BCR: variants seen among roughly 807,000 people sequenced by gnomAD.
The protein encoded by BCR is BCR activator of RhoGEF and GTPase, also known as breakpoint cluster region protein.
BCR carries 58 observed loss-of-function variants against 138.6 expected under a neutral mutation model. The ratio of observed to expected loss-of-function variants is 0.42; its 90% CI spans 0.34 to 0.52. BCR has a LOEUF of 0.52. Among genes scored for constraint, BCR ranks in the 20% least tolerant of loss-of-function variants. The pLI is 0.06. For synonymous variants in BCR, 786 were observed against 730.1 expected (o/e 1.08, Z -1.23); for missense variants, 1,599 against 1,727.2 (o/e 0.93, Z 1.32).
rs187884757 is a variant in BCR at position 23,302,278 on chromosome 22, C to T, written c.3012+7123C>T. 414 of 152,738 alleles carry T rather than the reference C, an allele frequency of 2.7e-3. 4 individuals are homozygous for T. In the South Asian group the frequency reaches 0.033, roughly 12 times the overall value. 9.5% of individuals were successfully genotyped at this position (152,738 alleles called of 1,614,324 possible). A position where few individuals can be genotyped will look rare whatever the true frequency, so the allele number is the denominator to read the frequency against. ...GCCAAGCCCCCAGCCCAGAAGATCC[C>T]GACTCCTGCTGCCCACAGACAGGCA... On this transcript the variant is annotated intron_variant, in intron 16 of 22. Transcript: ENST00000305877.
chr22:23,254,071 G>A, intron 2 of BCR, 91 bp downstream of exon 2: 4 of 1,412,860 alleles, frequency 2.8e-6, no homozygotes, highest in South Asian at 1.4e-5. Flanking sequence ...CAGGTAGGTG[G>A]TGGAGCAGCC....
At chr22:23,233,789 CAAAAAAA>C (rs59819093) in intron 1 of BCR, among the ~76,000 whole-genome samples, 3 of 70,074 alleles carry the variant, frequency 4.3e-5, no homozygotes, top group Non-Finnish European at 9.0e-5. Context: ...GACCCTGTCT[CAAAAAAA>C]AAAAAAAGAA....
At chr22:23,269,114 CGCCCAGG>C (rs2073479507) in intron 5 of BCR, among the ~76,000 whole-genome samples, 1 of 152,250 alleles carries the variant, frequency 6.6e-6, no homozygotes, top group Admixed American at 6.5e-5. Context: ...GTGGTGTTAG[CGCCCAGG>C]GCCTCGAAAG....
At position 23,235,491 on chromosome 22, in the gene BCR, A is replaced by G. The variant is rs1042236863; in HGVS notation, c.1280-18308A>G. Among the ~76,000 whole-genome samples the G allele has an allele frequency of 1.4e-5, 2 of 144,560 alleles. 1 individual carries two copies. The highest frequency in any genetic ancestry group is 1.4e-4 in the Admixed American group (2 of 14,354). The allele number at this position is 144,560 out of a possible 152,430, so 94.8% of individuals were successfully genotyped here. A position where few individuals can be genotyped will look rare whatever the true frequency, so the allele number is the denominator to read the frequency against. On this transcript the variant is annotated intron_variant, in intron 1 of 22. Transcript: ENST00000305877. Reference sequence around the variant, plus strand: ...GCCTCCCTGATTAAGAGAAAGATGTATATTCCCACTGGGTGGCGAGGACAT... The same window carrying G: ...GCCTCCCTGATTAAGAGAAAGATGTGTATTCCCACTGGGTGGCGAGGACAT...
intron 16 of BCR, among the ~76,000 whole-genome samples, chr22:23,304,218 G>A (rs1044744800): frequency 9.9e-5 from 15 of 150,926 alleles, no homozygotes; most frequent in African/African-American, 3.4e-4. Context: ...GAGATTACAG[G>A]TGTGAACCAC....
chr22:23,312,725 C>T (rs2074021742), intron 19 of BCR, 162 bp from the exon 20 acceptor site: 4 of 603,870 alleles, frequency 6.6e-6, no homozygotes, highest in Non-Finnish European at 5.9e-6. Flanking sequence ...AGACACAGAA[C>T]CATGCACAGC....
At chr22:23,287,831 T>C (rs916824366) in intron 11 of BCR, among the ~76,000 whole-genome samples, 3 of 152,200 alleles carry the variant, frequency 2.0e-5, no homozygotes, top group African/African-American at 7.2e-5. Context: ...GTTACCTCCA[T>C]GTCCCTAAGC....
chr22:23,284,135 C>T, intron 9 of BCR, 37 bp downstream of exon 9: 1 of 1,609,096 alleles, frequency 6.2e-7, no homozygotes, highest in Non-Finnish European at 8.5e-7. Flanking sequence ...AGCAGTGACC[C>T]CACCCTGACT....
At chr22:23,301,868 A>G (rs953486040) in intron 16 of BCR, among the ~76,000 whole-genome samples, 2 of 152,200 alleles carry the variant, frequency 1.3e-5, no homozygotes, top group East Asian at 1.9e-4. Flanking sequence ...CAAATGGCTC[A>G]TTCAGGCTCG....
At chr22:23,198,301 G>T in intron 1 of BCR, 2 of 443,922 alleles carry the variant, frequency 4.5e-6, no homozygotes, top group South Asian at 3.2e-5. Context: ...CCGGGGCAGG[G>T]CCACATCTTT....
Position 23,271,656 on chromosome 22 carries a change from G to T in BCR, c.1921+64G>T, listed in dbSNP as rs1416930492. On this transcript the variant is annotated intron_variant, in intron 6 of 22. Transcript: ENST00000305877. ...AGGGAGGCTGCTGCTGGCAGAGGGG[G>T]CGTTGTGGAAAAGCAGACACAGTGC... is the stretch of plus-strand genomic sequence containing the variant. 25 of 1,545,140 alleles carry T rather than the reference G, an allele frequency of 1.6e-5. 1 individual carries two copies. In the Middle Eastern group the frequency reaches 7.0e-4, roughly 43 times the overall value.
intron 1 of BCR, among the ~76,000 whole-genome samples, chr22:23,190,381 T>G (rs1240972088): frequency 6.6e-6 from 1 of 152,164 alleles, no homozygotes; most frequent in Non-Finnish European, 1.5e-5. Context: ...TTAGCCAGCC[T>G]GGTCTCGAAC....
chr22:23,199,717 T>A (rs557243045), intron 1 of BCR, among the ~76,000 whole-genome samples: 1 of 152,170 alleles, frequency 6.6e-6, no homozygotes, highest in African/African-American at 2.4e-5. Flanking sequence ...TTCTTCTTTG[T>A]CTCTCCTTTC....
At chr22:23,196,287 G>A (rs1314471822) in intron 1 of BCR, among the ~76,000 whole-genome samples, 1 of 152,158 alleles carries the variant, frequency 6.6e-6, no homozygotes, top group African/African-American at 2.4e-5. Flanking sequence ...CCTTAAATAA[G>A]TGCCAGGAGC....
At position 23,235,168 on chromosome 22, in the gene BCR, G is replaced by A. The variant is rs185848204; in HGVS notation, c.1280-18631G>A. ...CACCCAGGCTGGAGTGCAGTGGTACGATCTTGGCTCCTAGGTTCAAGTGAT... is the reference window on the plus strand; with the variant it reads ...CACCCAGGCTGGAGTGCAGTGGTACAATCTTGGCTCCTAGGTTCAAGTGAT... On this transcript the variant is annotated intron_variant, in intron 1 of 22. Coordinates refer to ENST00000305877, the MANE Select transcript of BCR (RefSeq NM_004327.4). Among the ~76,000 whole-genome samples, 14 of 143,902 alleles carry A rather than the reference G, an allele frequency of 9.7e-5. 1 individual carries two copies. The highest frequency in any genetic ancestry group is 3.9e-4 in the East Asian group (2 of 5,130). The allele number at this position is 143,902 out of a possible 152,430, so 94.4% of individuals were successfully genotyped here.
intron 6 of BCR, 90 bp downstream of exon 6, chr22:23,271,682 C>A: frequency 7.7e-7 from 1 of 1,293,944 alleles, no homozygotes; most frequent in Non-Finnish European, 1.1e-6. Context: ...GACACAGTGC[C>A]CACTTGGGTC....
chr22:23,261,075 T>C (rs1340963894), intron 3 of BCR, 21 bp downstream of exon 3: 19 of 1,607,690 alleles, frequency 1.2e-5, no homozygotes, highest in South Asian at 3.3e-5. Context: ...TTTAGGGAGC[T>C]GAGCAGGGCG....
At position 23,182,055 on chromosome 22, in the gene BCR, C is replaced by G. The variant is rs1383981815; in HGVS notation, c.1095C>G (p.Asp365Glu). ...PSPTTYRMFR[D>E]KSRSPSQNSQ... The stretch of plus-strand genomic sequence containing the variant: ...CCACCACCTACCGCATGTTCCGGGA[C>G]AAAAGCCGCTCTCCCTCGCAGAACT... Residue 365 changes from aspartate (D) to glutamate (E), a missense_variant, in exon 1 of 23, where the codon GAC (aspartate) becomes GAG (glutamate). Coordinates refer to ENST00000305877, the MANE Select transcript of BCR (RefSeq NM_004327.4). 6.2e-7 allele frequency: 1 copy of G among 1,613,586 alleles called. No individual in the cohort carries two copies. Among genetic ancestry groups the G allele is most frequent in the African/African-American group, 1.3e-5 (1 of 74,948 alleles).
At position 23,288,088 on chromosome 22, in the gene BCR, C is replaced by T. The variant is rs758482113; in HGVS notation, c.2527-9C>T. 41 of 1,613,510 alleles carry T rather than the reference C, an allele frequency of 2.5e-5. No individual in the cohort carries two copies. Among genetic ancestry groups the T allele is most frequent in the African/African-American group, 5.3e-5 (4 of 74,870 alleles). On this transcript the variant is annotated splice_polypyrimidine_tract_variant and intron_variant, in intron 11 of 22. Transcript: ENST00000305877. ...AGATAACTGGGTGTGTTCTTCTTGC[C>T]CACCCTAGAGTTACACGTTCCTGAT...
Sources: gnomAD v4.1 joint callset for allele counts (sites outside exome capture counted in the v4.1 genomes callset) on GRCh38, gnomAD v4.1.1 for gene constraint, MANE v1.5 for transcripts, NCBI Gene and HGNC (gene_info 2026-07-23, HGNC 2026-07-21) for gene names.